The following RGS9 variants were observed in gnomAD, a reference collection of about 807,000 sequenced individuals.
RGS9 encodes the protein regulator of G-protein signalling 9.
In RGS9, 78 loss-of-function variants were observed where a neutral mutation model predicts 102.0. The observed-to-expected ratio is 0.76, with a 90% confidence interval of 0.64 to 0.92. RGS9 has a LOEUF of 0.92. Among genes scored for constraint, RGS9 ranks in the 40% least tolerant of loss-of-function variants. The probability of loss-of-function intolerance (pLI) is 0.00; values close to 1 mark genes in which losing one functional copy is unlikely to be tolerated. For synonymous variants in RGS9, 353 were observed against 318.6 expected (o/e 1.11, Z -1.15); for missense variants, 833 against 866.1 (o/e 0.96, Z 0.48).
intron 3 of RGS9, among the ~76,000 whole-genome samples, chr17:65,159,034 A>G (rs1910879628): frequency 6.6e-6 from 1 of 152,172 alleles, no homozygotes; most frequent in Non-Finnish European, 1.5e-5. Flanking sequence ...AACTGATGAC[A>G]TTCCACCACA....
intron 9 of RGS9, among the ~76,000 whole-genome samples, chr17:65,178,390 G>T (rs186296607): frequency 6.6e-6 from 1 of 152,110 alleles, no homozygotes; most frequent in East Asian, 1.9e-4. Flanking sequence ...AATGTCCTAT[G>T]AGTATTTATT....
intron 18 of RGS9, 25 bp downstream of exon 18, chr17:65,225,511 G>T (rs58535033): frequency 1.3e-6 from 2 of 1,599,448 alleles, no homozygotes; most frequent in Non-Finnish European, 1.7e-6. Flanking sequence ...GGGACGTGCC[G>T]TATGCATGGG....
chr17:65,158,998 A>G (rs1910878309), intron 3 of RGS9, among the ~76,000 whole-genome samples: 1 of 152,170 alleles, frequency 6.6e-6, no homozygotes, highest in Admixed American at 6.5e-5. Flanking sequence ...AAAAGAAGTG[A>G]TATTTACATG....
chr17:65,147,951 C>A (rs1375457393), intron 1 of RGS9, among the ~76,000 whole-genome samples: 1 of 152,126 alleles, frequency 6.6e-6, no homozygotes, highest in South Asian at 2.1e-4. Flanking sequence ...TCTACCCTTT[C>A]AAAACTTTAA....
At chr17:65,149,162 C>T (rs1910486429) in intron 1 of RGS9, among the ~76,000 whole-genome samples, 2 of 150,678 alleles carry the variant, frequency 1.3e-5, no homozygotes, top group Admixed American at 6.6e-5. Flanking sequence ...TTAATAGAAA[C>T]GAGGTTTTGC....
At chr17:65,159,148 T>C (rs1910883466) in intron 3 of RGS9, among the ~76,000 whole-genome samples, 2 of 149,200 alleles carry the variant, frequency 1.3e-5, no homozygotes, top group Admixed American at 6.7e-5. Flanking sequence ...ACTGAGCACC[T>C]TGTGACCCCC....
At chr17:65,158,964 G>A (rs1309160440) in intron 3 of RGS9, among the ~76,000 whole-genome samples, 1 of 152,144 alleles carries the variant, frequency 6.6e-6, no homozygotes, top group Non-Finnish European at 1.5e-5. Context: ...CATCCAGATG[G>A]CCTGAAATGA....
At chr17:65,210,248 A>G (rs1008257949) in intron 16 of RGS9, among the ~76,000 whole-genome samples, 7 of 152,264 alleles carry the variant, frequency 4.6e-5, no homozygotes, top group Non-Finnish European at 7.3e-5. Flanking sequence ...CTTCGCCAAC[A>G]AAAGGGTCTT....
intron 9 of RGS9, among the ~76,000 whole-genome samples, chr17:65,186,252 A>G (rs990222760): frequency 6.6e-6 from 1 of 151,376 alleles, no homozygotes; most frequent in African/African-American, 2.4e-5. Flanking sequence ...GCTGGAGTGC[A>G]GTAGCATGAT....
At chr17:65,219,948 T>TCCTCAC (rs1913646831) in intron 17 of RGS9, among the ~76,000 whole-genome samples, 1 of 151,724 alleles carries the variant, frequency 6.6e-6, no homozygotes, top group Non-Finnish European at 1.5e-5. Context: ...ATCACCGCCA[T>TCCTCAC]CCTCACCATC....
At chr17:65,190,427 T>A (rs1912324788) in intron 11 of RGS9, among the ~76,000 whole-genome samples, 191 bp downstream of exon 11, 1 of 152,164 alleles carries the variant, frequency 6.6e-6, no homozygotes. Context: ...TCATCTTGGG[T>A]TATGCAAAAT....
chr17:65,156,411 G>C (rs907919525), intron 2 of RGS9, among the ~76,000 whole-genome samples: 9 of 152,228 alleles, frequency 5.9e-5, no homozygotes, highest in Non-Finnish European at 1.0e-4. Flanking sequence ...GGATTTGGGC[G>C]AGGTCGCCCA....
chr17:65,201,665 G>T (rs1345374763), intron 13 of RGS9, among the ~76,000 whole-genome samples: 1 of 152,232 alleles, frequency 6.6e-6, no homozygotes, highest in African/African-American at 2.4e-5. Flanking sequence ...CCTGTGTATT[G>T]TTGGAGGAAA....
intron 6 of RGS9, 42 bp from the exon 7 acceptor site, chr17:65,162,971 T>C: frequency 8.9e-7 from 1 of 1,123,342 alleles, no homozygotes; most frequent in South Asian, 1.3e-5. Flanking sequence ...ACATGGCATA[T>C]GTCTTGGGGC....
At chr17:65,151,191 A>G (rs1485233538) in intron 1 of RGS9, among the ~76,000 whole-genome samples, 3 of 152,120 alleles carry the variant, frequency 2.0e-5, no homozygotes, top group Non-Finnish European at 4.4e-5. Context: ...CTAAAAATAC[A>G]AAAATTGACT....
chr17:65,189,046 T>A, intron 9 of RGS9: 1 of 580,466 alleles, frequency 1.7e-6, no homozygotes, highest in Non-Finnish European at 3.1e-6. Flanking sequence ...GGCCTTTAGG[T>A]GAGCAAAGTT....
chr17:65,188,177 C>T (rs1475178896), intron 9 of RGS9, among the ~76,000 whole-genome samples: 4 of 152,000 alleles, frequency 2.6e-5, no homozygotes, highest in African/African-American at 9.7e-5. Flanking sequence ...GCACGGCCCA[C>T]TGCAATTGCA....
rs5821624 is a variant in RGS9 at position 65,168,545 on chromosome 17, CTTTTTTTTTT to C, written c.582+277_582+286del. 6.7e-4 allele frequency among the ~76,000 whole-genome samples: 57 copies of C among 85,278 alleles called. 1 individual carries two copies. The highest frequency in any genetic ancestry group is 2.4e-3 in the African/African-American group (52 of 21,986). 55.9% of individuals were successfully genotyped at this position (85,278 alleles called of 152,430 possible). A position where few individuals can be genotyped will look rare whatever the true frequency, so the allele number is the denominator to read the frequency against. The stretch of plus-strand genomic sequence containing the variant: ...AATTTGTCTTTTACGAGGGCTGGGA[CTTTTTTTTTT>C]TTTTTTTTTTTTGCTAGGATATCAT... On this transcript the variant is annotated intron_variant, in intron 8 of 18. Coordinates refer to ENST00000262406, the MANE Select transcript of RGS9 (RefSeq NM_003835.4).
intron 13 of RGS9, among the ~76,000 whole-genome samples, chr17:65,200,545 G>A (rs9910756): frequency 0.2 from 30,459 of 151,988 alleles, 5,126 homozygotes; most frequent in African/African-American, 0.43. Context: ...CATTTTAGTT[G>A]AGAGCATCAC....
Sources: allele counts gnomAD v4.1 joint callset (sites outside exome capture counted in the v4.1 genomes callset), GRCh38; gene constraint gnomAD v4.1.1; transcripts MANE v1.5; gene names NCBI Gene and HGNC (gene_info 2026-07-23, HGNC 2026-07-21).